PTPRT: variants seen among roughly 807,000 people sequenced by gnomAD.
The protein encoded by PTPRT is protein tyrosine phosphatase receptor type T, also known as receptor-type tyrosine-protein phosphatase T.
Under a neutral mutation model 176.8 loss-of-function variants are expected in PTPRT, and 56 were observed. The ratio of observed to expected loss-of-function variants is 0.32; its 90% CI spans 0.26 to 0.40. The LOEUF (loss-of-function observed/expected upper bound fraction) is 0.40. Among genes scored for constraint, PTPRT ranks in the 10% least tolerant of loss-of-function variants. The pLI is 1.00. For synonymous variants in PTPRT, 783 were observed against 739.0 expected (o/e 1.06, Z -0.96); for missense variants, 1,540 against 1,908.2 (o/e 0.81, Z 3.60).
intron 1 of PTPRT, among the ~76,000 whole-genome samples, chr20:43,033,478 C>T (rs527926703): frequency 1.6e-4 from 24 of 152,242 alleles, no homozygotes; most frequent in Non-Finnish European, 3.1e-4. Context: ...GCTGCCACAC[C>T]AAACTGCCCT....
intron 1 of PTPRT, among the ~76,000 whole-genome samples, chr20:42,981,867 G>A (rs1983299608): frequency 6.6e-6 from 1 of 152,118 alleles, no homozygotes; most frequent in African/African-American, 2.4e-5. Flanking sequence ...ATGGCTTTGG[G>A]TGTTGGCTAG....
intron 14 of PTPRT, among the ~76,000 whole-genome samples, chr20:42,243,391 A>G (rs1361321259): frequency 2.0e-5 from 3 of 152,268 alleles, no homozygotes; most frequent in Admixed American, 1.3e-4. Flanking sequence ...ACAAATGAAG[A>G]CTAGCATGTA....
chr20:42,804,693 C>CCAGTGAGGGA (rs2077579494), intron 2 of PTPRT, among the ~76,000 whole-genome samples: 1 of 152,214 alleles, frequency 6.6e-6, no homozygotes, highest in Non-Finnish European at 1.5e-5. Context: ...CTTTCTGAGG[C>CCAGTGAGGGA]CAGTGAGGGA....
At chr20:42,600,381 C>G (rs571470716) in intron 7 of PTPRT, among the ~76,000 whole-genome samples, 1 of 152,334 alleles carries the variant, frequency 6.6e-6, no homozygotes, top group African/African-American at 2.4e-5. Flanking sequence ...TTCAAGTGAT[C>G]TGCCTGCATT....
chr20:42,885,481 G>A (rs117729844), intron 2 of PTPRT, among the ~76,000 whole-genome samples: 98 of 151,724 alleles, frequency 6.5e-4, no homozygotes, highest in Non-Finnish European at 1.1e-3. Context: ...GAAAAGCAGC[G>A]ACCGTAAATT....
chr20:42,247,107 CT>C (rs1341420318), intron 14 of PTPRT, among the ~76,000 whole-genome samples: 2 of 152,232 alleles, frequency 1.3e-5, no homozygotes, highest in Non-Finnish European at 2.9e-5. Context: ...ATAATACCTT[CT>C]GTTACCCCTA....
intron 1 of PTPRT, among the ~76,000 whole-genome samples, chr20:43,001,486 A>C (rs201271719): frequency 0.19 from 29,125 of 151,896 alleles, 2,868 homozygotes; most frequent in Non-Finnish European, 0.21. Context: ...CAACAACAAA[A>C]AAAAAACAGA....
intron 16 of PTPRT, among the ~76,000 whole-genome samples, chr20:42,178,785 A>AT (rs922768537): frequency 1.4e-3 from 207 of 152,192 alleles, no homozygotes; most frequent in African/African-American, 4.8e-3. Context: ...TGACAGATTC[A>AT]TTTTTTCATG....
chr20:42,252,882 T>C (rs2056571019), intron 13 of PTPRT, among the ~76,000 whole-genome samples: 1 of 151,838 alleles, frequency 6.6e-6, no homozygotes, highest in African/African-American at 2.4e-5. Context: ...ACACAGGAGG[T>C]TTTTAGAAAA....
At chr20:42,684,522 C>T (rs893332587) in intron 6 of PTPRT, among the ~76,000 whole-genome samples, 1 of 152,094 alleles carries the variant, frequency 6.6e-6, no homozygotes, top group East Asian at 1.9e-4. Context: ...GTAGAGAATA[C>T]TGAATGCACC....
chr20:42,130,333 G>A (rs1421473665), intron 18 of PTPRT, among the ~76,000 whole-genome samples: 1 of 152,168 alleles, frequency 6.6e-6, no homozygotes, highest in Non-Finnish European at 1.5e-5. Flanking sequence ...CAGTGCTCAG[G>A]AGCTGGGGCC....
chr20:42,245,846 GA>G (rs1474393740), intron 14 of PTPRT, among the ~76,000 whole-genome samples: 2 of 151,890 alleles, frequency 1.3e-5, no homozygotes, highest in Non-Finnish European at 2.9e-5. Flanking sequence ...ATTAGGAGCA[GA>G]AAAAAAACCC....
chr20:42,651,755 G>T (rs1448642298), intron 7 of PTPRT, among the ~76,000 whole-genome samples: 1 of 152,056 alleles, frequency 6.6e-6, no homozygotes, highest in East Asian at 1.9e-4. Flanking sequence ...CCTTAAAAAA[G>T]GGATAATATG....
intron 1 of PTPRT, among the ~76,000 whole-genome samples, chr20:43,069,713 A>C (rs1166759791): frequency 6.6e-6 from 1 of 152,110 alleles, no homozygotes; most frequent in Non-Finnish European, 1.5e-5. Context: ...CGGCTTTTTT[A>C]TATAAGAGCA....
rs539343201 is a variant in PTPRT, at chr20:42,917,259, A to T, written c.89-31327T>A. On this transcript the variant is annotated intron_variant, in intron 1 of 30. Transcript: ENST00000373187. ...CTTGTTTTTGTCAGGTTTGTCAAAG[A>T]TCAGATAGTTGTAGCTATGCGGCAT... Among the ~76,000 whole-genome samples the T allele has an allele frequency of 8.5e-5, 13 of 152,204 alleles. No individual in the cohort carries two copies. In the South Asian group the frequency reaches 2.1e-3, roughly 24 times the overall value.
rs78171005 is a variant in PTPRT at position 42,792,029 on chromosome 20, C to T, written c.215-563G>A. Among the ~76,000 whole-genome samples, 708 of 152,330 alleles carry T rather than the reference C, an allele frequency of 4.6e-3. 4 individuals are homozygous for T. Among genetic ancestry groups the T allele is most frequent in the African/African-American group, 0.016 (674 of 41,574 alleles). On this transcript the variant is annotated intron_variant, in intron 2 of 30. Transcript: ENST00000373187. Reference sequence around the variant, plus strand: ...TGATTCAAGCAAAGGTTAAAATGTGCTTGCCTTGCTGGGCTTGCCGTCTTG... The same window carrying T: ...TGATTCAAGCAAAGGTTAAAATGTGTTTGCCTTGCTGGGCTTGCCGTCTTG...
intron 6 of PTPRT, among the ~76,000 whole-genome samples, chr20:42,702,454 G>A (rs1029234313): frequency 6.6e-6 from 1 of 152,200 alleles, no homozygotes; most frequent in Non-Finnish European, 1.5e-5. Flanking sequence ...AAAGTCATTT[G>A]AATGTTTCCA....
At chr20:43,063,231 T>C (rs1041896820) in intron 1 of PTPRT, 1 of 152,212 alleles carries the variant, frequency 6.6e-6, no homozygotes, top group East Asian at 1.9e-4. Flanking sequence ...GTTGCAAACA[T>C]GTTAGTCAAC....
intron 1 of PTPRT, among the ~76,000 whole-genome samples, chr20:43,030,910 G>A (rs1226154783): frequency 2.0e-5 from 3 of 152,210 alleles, no homozygotes; most frequent in Non-Finnish European, 2.9e-5. Context: ...CTCTGAAAAG[G>A]AGATGAGATG....
Sources: allele counts gnomAD v4.1 joint callset (sites outside exome capture counted in the v4.1 genomes callset), GRCh38; gene constraint gnomAD v4.1.1; transcripts MANE v1.5; gene names NCBI Gene and HGNC (gene_info 2026-07-23, HGNC 2026-07-21).